RANBP2: variants seen among roughly 807,000 people sequenced by gnomAD.
The protein encoded by RANBP2 is E3 SUMO-protein ligase RanBP2.
RANBP2 carries 57 observed loss-of-function variants against 303.6 expected under a neutral mutation model. That is an observed-to-expected ratio of 0.19 (90% confidence interval 0.15 to 0.23). RANBP2 has a LOEUF of 0.23. Ranked by LOEUF, RANBP2 falls within the 10% of genes least tolerant of loss-of-function variation. RANBP2 has a pLI of 1.00. For missense variants in RANBP2, 3,138 were observed against 3,780.8 expected, an observed-to-expected ratio of 0.83 and a Z score of 4.46; for synonymous variants, 1,167 against 1,301.5, an observed-to-expected ratio of 0.90 and a Z score of 2.23.
the RANBP2 span, among the ~76,000 whole-genome samples, chr2:109,533,903 T>C: frequency 6.6e-6 from 1 of 152,182 alleles, no homozygotes; most frequent in Non-Finnish European, 1.5e-5. Context: ...TCTCCCGCCA[T>C]GTGGAGTGGC....
chr2:109,196,663 G>T, the RANBP2 span, among the ~76,000 whole-genome samples: 1 of 152,206 alleles, frequency 6.6e-6, no homozygotes, highest in Non-Finnish European at 1.5e-5. Flanking sequence ...GCTGGCTGAG[G>T]TCTGGTTGCA....
At chr2:109,150,863 GA>G in the RANBP2 span, among the ~76,000 whole-genome samples, 67 of 151,906 alleles carry the variant, frequency 4.4e-4, no homozygotes, top group African/African-American at 1.4e-3. Flanking sequence ...CTATAAATGT[GA>G]AAAAAAATAT....
At chr2:109,275,338 A>G in the RANBP2 span, among the ~76,000 whole-genome samples, 2 of 152,150 alleles carry the variant, frequency 1.3e-5, no homozygotes, top group South Asian at 2.1e-4. Flanking sequence ...TTCAGTTTAT[A>G]TTTGTGATAA....
At chr2:108,934,615 T>A in the RANBP2 span, among the ~76,000 whole-genome samples, 5 of 152,170 alleles carry the variant, frequency 3.3e-5, no homozygotes, top group African/African-American at 1.2e-4. Flanking sequence ...ACTGGCTGCA[T>A]CCGGTGAGAG....
chr2:108,982,280 T>C, the RANBP2 span, among the ~76,000 whole-genome samples: 2 of 152,172 alleles, frequency 1.3e-5, no homozygotes, highest in Non-Finnish European at 2.9e-5. Context: ...CAGCCCACAC[T>C]GGGAGAGCTG....
At chr2:109,426,963 AAT>A in the RANBP2 span, among the ~76,000 whole-genome samples, 2,264 of 113,492 alleles carry the variant, frequency 0.02, 40 homozygotes, top group East Asian at 0.075. Flanking sequence ...AGGGCAATAA[AAT>A]ATATATATAT....
At chr2:109,692,962 G>A in the RANBP2 span, among the ~76,000 whole-genome samples, 2 of 151,380 alleles carry the variant, frequency 1.3e-5, no homozygotes, top group South Asian at 4.2e-4. Context: ...GGGATTACAG[G>A]CACCCGCCAC....
the RANBP2 span, among the ~76,000 whole-genome samples, chr2:109,370,664 T>A: frequency 1.3e-5 from 2 of 152,168 alleles, no homozygotes; most frequent in East Asian, 1.9e-4. Context: ...GCCCTGCCAT[T>A]CGTCTCTGTG....
At chr2:109,744,442 G>C in the RANBP2 span, among the ~76,000 whole-genome samples, 1 of 86,722 alleles carries the variant, frequency 1.2e-5, no homozygotes, top group African/African-American at 3.1e-5. Flanking sequence ...TTTTTTTTTT[G>C]CTTGTTGATT....
chr2:108,773,338 C>T (rs1415529798), intron 23 of RANBP2, among the ~76,000 whole-genome samples: 2 of 151,732 alleles, frequency 1.3e-5, no homozygotes, highest in African/African-American at 2.4e-5. Context: ...AGGCTGGTCT[C>T]GAACTCCGGA....
At chr2:109,360,534 T>G in the RANBP2 span, among the ~76,000 whole-genome samples, 4 of 152,220 alleles carry the variant, frequency 2.6e-5, no homozygotes, top group African/African-American at 4.8e-5. Context: ...ACCCAAGATA[T>G]CTCATTATGT....
the RANBP2 span, chr2:109,552,780 T>C: frequency 3.2e-5 from 8 of 253,112 alleles, no homozygotes; most frequent in Non-Finnish European, 6.0e-5. Flanking sequence ...ATTCAAGGCA[T>C]GGATTTCATG....
chr2:109,041,083 G>T, the RANBP2 span, among the ~76,000 whole-genome samples: 1 of 152,040 alleles, frequency 6.6e-6, no homozygotes, highest in African/African-American at 2.4e-5. Flanking sequence ...AATAAAAAAA[G>T]ATATACTTTT....
chr2:109,604,429 G>GAAAGA, the RANBP2 span, among the ~76,000 whole-genome samples: 1 of 138,990 alleles, frequency 7.2e-6, no homozygotes, highest in Non-Finnish European at 1.6e-5. Context: ...AAAAAAGAAA[G>GAAAGA]AAAGAAAAGA....
At chr2:108,787,998 G>A (rs1250491572), downstream of RANBP2, 2 of 1,433,756 alleles carry the variant, frequency 1.4e-6, no homozygotes, top group Admixed American at 2.2e-5. Flanking sequence ...TTGATTTTTA[G>A]TATACAAATT....
chr2:109,699,768 C>T, the RANBP2 span, among the ~76,000 whole-genome samples: 4 of 152,278 alleles, frequency 2.6e-5, no homozygotes, highest in South Asian at 6.2e-4. Flanking sequence ...CAACTGTTAG[C>T]TGTGCAGTGA....
the RANBP2 span, among the ~76,000 whole-genome samples, chr2:109,223,937 G>C: frequency 1.5e-3 from 229 of 152,344 alleles, 1 homozygote; most frequent in Non-Finnish European, 1.5e-3. Context: ...GGGGGGTGTG[G>C]GTTGCAGTGA....
chr2:109,027,810 C>T, the RANBP2 span, among the ~76,000 whole-genome samples: 3 of 152,158 alleles, frequency 2.0e-5, no homozygotes, highest in South Asian at 2.1e-4. Context: ...CCCCGCCATG[C>T]GTCTTCCTTC....
At chr2:109,329,329 A>C in the RANBP2 span, among the ~76,000 whole-genome samples, 1 of 152,218 alleles carries the variant, frequency 6.6e-6, no homozygotes, top group African/African-American at 2.4e-5. Flanking sequence ...CATGAGAGGA[A>C]AAGACTTTTG....
Sources: gnomAD v4.1 joint callset for allele counts (sites outside exome capture counted in the v4.1 genomes callset) on GRCh38, gnomAD v4.1.1 for gene constraint, MANE v1.5 for transcripts, NCBI Gene and HGNC (gene_info 2026-07-23, HGNC 2026-07-21) for gene names.